The following RBM34 variants were observed in gnomAD, a reference collection of about 807,000 sequenced individuals.
RBM34 encodes the protein RNA binding motif protein 34, also known as RNA-binding protein 34.
In RBM34, 39 loss-of-function variants were observed where a neutral mutation model predicts 44.6. The observed-to-expected ratio is 0.87, with a 90% CI of 0.68 to 1.14. The LOEUF (loss-of-function observed/expected upper bound fraction) is 1.14. Among genes scored for constraint, RBM34 ranks in the 50% most tolerant of loss-of-function variants. RBM34 has a pLI of 0.00. For synonymous variants in RBM34, 194 were observed against 184.0 expected, an observed-to-expected ratio of 1.05 and a Z score of -0.44; for missense variants, 572 against 517.9, an observed-to-expected ratio of 1.10 and a Z score of -1.01.
At chr1:235,151,565 C>G (rs1205197245) in intron 5 of RBM34, among the ~76,000 whole-genome samples, 1 of 152,108 alleles carries the variant, frequency 6.6e-6, no homozygotes, top group Non-Finnish European at 1.5e-5. Flanking sequence ...ATTGTGAAAA[C>G]TGAGGTGCAG....
At position 235,154,913 on chromosome 1, in the gene RBM34, C is replaced by T. The variant is rs755080982; in HGVS notation, c.565G>A (p.Val189Ile). 1.2e-6 allele frequency: 2 copies of T among 1,613,850 alleles called. No individual in the cohort carries two copies. The highest frequency in any genetic ancestry group is 1.7e-6 in the Non-Finnish European group (2 of 1,179,958). Reference protein sequence around the residue: ...ERLKNERTVFVGNLPVTCNKK... With the variant: ...ERLKNERTVFIGNLPVTCNKK... The stretch of plus-strand genomic sequence containing the variant: ...TTACATGTAACAGGCAAATTCCCAA[C>T]AAACACAGTTCTCTCATTCTTTAAT... Residue 189 changes from valine to isoleucine, a missense_variant, in exon 4 of 11, where the codon GTT becomes ATT. By Grantham distance (29) the Val-to-Ile change is conservative. Coordinates refer to ENST00000408888, the MANE Select transcript of RBM34 (RefSeq NM_015014.4).
At chr1:235,135,027 A>G in intron 10 of RBM34, among the ~76,000 whole-genome samples, 1 of 150,420 alleles carries the variant, frequency 6.6e-6, no homozygotes, top group East Asian at 2.0e-4. Context: ...TACAGGCATA[A>G]GCCACCACAT....
chr1:235,134,107 G>A (rs566282366), intron 10 of RBM34, among the ~76,000 whole-genome samples: 2 of 152,146 alleles, frequency 1.3e-5, no homozygotes, highest in East Asian at 1.9e-4. Flanking sequence ...CTGCAGCCTC[G>A]ACCTCCCAAG....
At chr1:235,142,015 G>A (rs1291171717) in intron 6 of RBM34, among the ~76,000 whole-genome samples, 4 of 152,216 alleles carry the variant, frequency 2.6e-5, no homozygotes, top group Non-Finnish European at 5.9e-5. Flanking sequence ...GCTGCTAGGG[G>A]AGGGATAGCA....
intron 6 of RBM34, among the ~76,000 whole-genome samples, chr1:235,144,903 G>A (rs1212281594): frequency 6.6e-6 from 1 of 152,036 alleles, no homozygotes; most frequent in African/African-American, 2.4e-5. Context: ...AATTAGCCAG[G>A]TGTAGCGCAC....
intron 10 of RBM34, 57 bp downstream of exon 10, chr1:235,135,595 T>A: frequency 7.4e-7 from 1 of 1,350,482 alleles, no homozygotes; most frequent in Non-Finnish European, 1.1e-6. Flanking sequence ...CATGCAACAG[T>A]GTCAATGCCT....
At chr1:235,137,739 T>A in intron 8 of RBM34, 138 bp downstream of exon 8, 1 of 604,856 alleles carries the variant, frequency 1.7e-6, no homozygotes, top group Non-Finnish European at 2.8e-6. Context: ...ATCAACTCTG[T>A]AACCACAGAG....
chr1:235,144,809 G>A (rs1050451688), intron 6 of RBM34, among the ~76,000 whole-genome samples: 10 of 152,256 alleles, frequency 6.6e-5, no homozygotes, highest in South Asian at 4.2e-4. Flanking sequence ...TTGGGAGGCC[G>A]AGGGTGGGGC....
chr1:235,160,581 A>G lies in RBM34; in HGVS notation c.295T>C (p.Ser99Pro). The part of the protein sequence containing the change: ...ESTSQIERPL[S>P]QEPAKKVKAK... Reference sequence around the variant, plus strand: ...TTCACTTTTTTGGCAGGTTCTTGCGAAAGTGGTCTTTCAATCTGGGATGTA... The same window carrying G: ...TTCACTTTTTTGGCAGGTTCTTGCGGAAGTGGTCTTTCAATCTGGGATGTA... Residue 99 changes from serine (S) to proline (P), a missense_variant, in exon 3 of 11, where the codon TCG (serine) becomes CCG (proline). Transcript: ENST00000408888. 1 of 1,614,010 alleles carries G rather than the reference A, an allele frequency of 6.2e-7. No individual in the cohort carries two copies. Among genetic ancestry groups the G allele is most frequent in the Non-Finnish European group, 8.5e-7 (1 of 1,179,986 alleles).
Position 235,138,130 on chromosome 1 carries a change from A to G in RBM34, c.746T>C (p.Val249Ala). 6.2e-7 allele frequency: 1 copy of G among 1,609,416 alleles called. No homozygotes were observed. The highest frequency in any genetic ancestry group is 8.5e-7 in the Non-Finnish European group (1 of 1,178,284). The change falls in exon 7 of 11, where the codon GTG becomes GCG. Residue 249 changes from valine (V) to alanine (A), a missense_variant. Transcript: ENST00000408888. The stretch of plus-strand genomic sequence containing the variant: ...CGTGGCAGCACTCTCCTCCTTAAAC[A>G]CAACATAGGCATTAATATTTTTCTG... ...PDQKNINAYV[V>A]FKEESAATQA...
intron 5 of RBM34, chr1:235,152,366 G>T: frequency 1.8e-6 from 1 of 555,618 alleles, no homozygotes; most frequent in South Asian, 6.8e-5. Flanking sequence ...TGTATGATGG[G>T]ACATAGGAAG....
chr1:235,141,257 C>T (rs1436879614), intron 6 of RBM34, among the ~76,000 whole-genome samples: 3 of 151,270 alleles, frequency 2.0e-5, no homozygotes, highest in South Asian at 2.1e-4. Context: ...ATACACCAAT[C>T]GGCACTCTGT....
intron 6 of RBM34, among the ~76,000 whole-genome samples, chr1:235,139,374 C>G (rs879273412): frequency 3.3e-5 from 5 of 152,186 alleles, no homozygotes; most frequent in Non-Finnish European, 7.3e-5. Context: ...ACCAGACACT[C>G]AGCTAGACAT....
At chr1:235,160,196 G>GT (rs1243766345) in intron 3 of RBM34, 16 of 473,638 alleles carry the variant, frequency 3.4e-5, no homozygotes, top group Non-Finnish European at 6.2e-5. Context: ...AGGTTGCAGT[G>GT]AGCTGAGATC....
chr1:235,147,911 G>A (rs1279286284), intron 6 of RBM34, among the ~76,000 whole-genome samples: 1 of 152,048 alleles, frequency 6.6e-6, no homozygotes, highest in Non-Finnish European at 1.5e-5. Context: ...AAGGAGACTT[G>A]TAGGTTTCAT....
At position 235,134,628 on chromosome 1, in the gene RBM34, T is replaced by C. The variant is rs113359975; in HGVS notation, c.1008+1024A>G. On this transcript the variant is annotated intron_variant, in intron 10 of 10. Transcript: ENST00000408888. ...AGAAGATTCAGTGATTTAGTACTTC[T>C]AATATCCAGGATCAAAAACATTTAA... Among the ~76,000 whole-genome samples the C allele has an allele frequency of 4.4e-3, 672 of 152,334 alleles. 4 individuals are homozygous for C. The highest frequency in any genetic ancestry group is 0.034 in the Middle Eastern group (10 of 294).
At chr1:235,136,267 G>C (rs529192573) in intron 8 of RBM34, among the ~76,000 whole-genome samples, 194 bp from the exon 9 acceptor site, 1 of 152,316 alleles carries the variant, frequency 6.6e-6, no homozygotes, top group East Asian at 1.9e-4. Flanking sequence ...GAGGAGGGGA[G>C]TGACCTTTTG....
intron 2 of RBM34, 115 bp from the exon 3 acceptor site, chr1:235,160,762 T>C (rs1662676562): frequency 6.7e-7 from 1 of 1,500,304 alleles, no homozygotes; most frequent in Non-Finnish European, 9.1e-7. Context: ...TATGTAAGAG[T>C]CATGAAAGGT....
chr1:235,137,793 C>A, intron 8 of RBM34, 84 bp downstream of exon 8: 2 of 1,083,662 alleles, frequency 1.8e-6, no homozygotes, highest in Non-Finnish European at 2.7e-6. Context: ...ATTGCTGATT[C>A]CAGTCCCCTT....
Sources: gnomAD v4.1 joint callset for allele counts (sites outside exome capture counted in the v4.1 genomes callset) on GRCh38, gnomAD v4.1.1 for gene constraint, MANE v1.5 for transcripts, NCBI Gene and HGNC (gene_info 2026-07-23, HGNC 2026-07-21) for gene names.